FMNL1: variants seen among roughly 807,000 people sequenced by gnomAD.
The protein encoded by FMNL1 is formin like 1.
A neutral mutation model predicts 121.3 loss-of-function variants in FMNL1; 43 were observed. That is an observed-to-expected ratio of 0.35 (90% CI 0.28 to 0.46). The LOEUF (loss-of-function observed/expected upper bound fraction) is 0.46. FMNL1 is among the 20% of genes least tolerant of loss of function. FMNL1 has a pLI of 1.00. For synonymous variants in FMNL1, 613 were observed against 613.5 expected (o/e 1.00, Z 0.01); for missense variants, 1,191 against 1,482.4 (o/e 0.80, Z 3.23).
chr17:45,238,548 C>T lies in FMNL1; in HGVS notation c.895-16C>T. ...TGTGTCACTGGGCCTCAGTGAGAGC[C>T]ATTCCCCTTACCCAGGTGTGTGGGG... On this transcript the variant is annotated splice_polypyrimidine_tract_variant and intron_variant, in intron 9 of 26. Coordinates refer to ENST00000331495, the MANE Select transcript of FMNL1 (RefSeq NM_005892.4). 6.2e-7 allele frequency: 1 copy of T among 1,613,810 alleles called. No individual in the cohort carries two copies. The highest frequency in any genetic ancestry group is 8.5e-7 in the Non-Finnish European group (1 of 1,179,776).
chr17:45,244,758 T>C lies in FMNL1; in HGVS notation c.2518-61T>C, dbSNP rs956757424. On this transcript the variant is annotated intron_variant, in intron 19 of 26. Transcript: ENST00000331495. ...GCCACCTCTTCTCCTCCTTGTGCAATATGCTTAAGCGGTGTCCTCAGCTCT... is the reference window on the plus strand; with the variant it reads ...GCCACCTCTTCTCCTCCTTGTGCAACATGCTTAAGCGGTGTCCTCAGCTCT... 5.9e-6 allele frequency: 9 copies of C among 1,533,190 alleles called. No homozygotes were observed. In the African/African-American group the frequency reaches 1.1e-4, roughly 19 times the overall value. 95.0% of individuals were successfully genotyped at this position (1,533,190 alleles called of 1,614,324 possible). A position where few individuals can be genotyped will look rare whatever the true frequency, so the allele number is the denominator to read the frequency against.
intron 12 of FMNL1, chr17:45,240,832 A>C: frequency 1.3e-6 from 1 of 791,218 alleles, no homozygotes; most frequent in South Asian, 1.8e-5. Context: ...GAGCACCCTC[A>C]CTGACAGGCC....
Position 45,236,245 on chromosome 17 carries a change from G to T in FMNL1, c.723+1G>T. 1.9e-6 allele frequency: 3 copies of T among 1,613,386 alleles called. No homozygotes were observed. Among genetic ancestry groups the T allele is most frequent in the Non-Finnish European group, 2.5e-6 (3 of 1,179,650 alleles). On this transcript the variant is annotated splice_donor_variant, in intron 7 of 26. Transcript: ENST00000331495. LOFTEE classifies it high-confidence loss of function. ...CCTACGCGCCATCATGAACTACCAG[G>T]TCAGCCGAGGGGCATGGGACTGGCG...
chr17:45,222,081 A>G lies in FMNL1; in HGVS notation c.-44A>G. 2 of 1,135,818 alleles carry G rather than the reference A, an allele frequency of 1.8e-6. No individual in the cohort carries two copies. Among genetic ancestry groups the G allele is most frequent in the Non-Finnish European group, 1.1e-6 (1 of 927,120 alleles). 70.4% of individuals were successfully genotyped at this position (1,135,818 alleles called of 1,614,324 possible). ...TCGTCCCCGTCCCCCGGAAAGCTGG[A>G]TTTCCGAGGCTGGAGGCGCCTGGCC... On this transcript the variant is annotated 5_prime_UTR_variant, in exon 1 of 27. Coordinates refer to ENST00000331495, the MANE Select transcript of FMNL1 (RefSeq NM_005892.4).
chr17:45,237,118 G>GA lies in FMNL1; in HGVS notation c.724-153dup, dbSNP rs918751935. 1.9e-4 allele frequency among the ~76,000 whole-genome samples: 28 copies of GA among 147,376 alleles called. No individual in the cohort carries two copies. The South Asian group carries it at 4.0e-3, about 21-fold the overall frequency. ...GGGTGACAGAGGGAAACTCCATCTT[G>GA]AAAAAAAAAATAGAAACAAGGCCAG... On this transcript the variant is annotated intron_variant, in intron 7 of 26. Transcript: ENST00000331495. The surrounding 1 kb of genome is among the most constrained non-coding windows in gnomAD (Gnocchi z 4.4).
chr17:45,231,701 G>A lies in FMNL1; in HGVS notation c.214-666G>A, dbSNP rs112534160. Among the ~76,000 whole-genome samples, 1 of 152,092 alleles carries A rather than the reference G, an allele frequency of 6.6e-6. No individual in the cohort carries two copies. Among genetic ancestry groups the A allele is most frequent in the Admixed American group, 6.5e-5 (1 of 15,280 alleles). On this transcript the variant is annotated intron_variant, in intron 2 of 26. Coordinates refer to ENST00000331495, the MANE Select transcript of FMNL1 (RefSeq NM_005892.4). This position sits in a 1 kb window ranked among gnomAD's most constrained non-coding sequence, Gnocchi z 4.7. ...GCCTGCAGTGGGGTGGGGGGATTAG[G>A]AATTGCATCACTGAGCACAGGAGAG...
At chr17:45,227,051 A>C (rs1210815324) in intron 1 of FMNL1, among the ~76,000 whole-genome samples, 2 of 150,346 alleles carry the variant, frequency 1.3e-5, no homozygotes, top group Non-Finnish European at 3.0e-5. Flanking sequence ...AGAGGTGGGC[A>C]GGTGGCAGGG....
At chr17:45,227,157 T>A (rs1296590635) in intron 1 of FMNL1, among the ~76,000 whole-genome samples, 2 of 152,096 alleles carry the variant, frequency 1.3e-5, no homozygotes, top group South Asian at 2.1e-4. Flanking sequence ...CTGGGATTGA[T>A]GTCCAAGTTC....
chr17:45,239,283 A>T lies in FMNL1; in HGVS notation c.1080+218A>T, dbSNP rs980699468. On this transcript the variant is annotated intron_variant, in intron 11 of 26. Transcript: ENST00000331495. ...TCATAGAAGATAATCTTGACTCTAA[A>T]TGCATAGACCAGTGCCTGGCACATA... The T allele has an allele frequency of 2.1e-5, 12 of 562,760 alleles. No individual in the cohort carries two copies. The Admixed American group carries it at 2.7e-4, about 13-fold the overall frequency. The allele number at this position is 562,760 out of a possible 1,614,324, so 34.9% of individuals were successfully genotyped here.
At chr17:45,234,390 T>A in intron 6 of FMNL1, 190 bp downstream of exon 6, 1 of 943,590 alleles carries the variant, frequency 1.1e-6, no homozygotes, top group Non-Finnish European at 1.6e-6. Context: ...TGGGGCTGGG[T>A]GCTGTGGCTC....
rs1359872948 is a variant in FMNL1, at chr17:45,232,372, G to A, written c.219G>A (p.Arg73=). 2 of 1,613,800 alleles carry A rather than the reference G, an allele frequency of 1.2e-6. No individual in the cohort carries two copies. Among genetic ancestry groups the A allele is most frequent in the Non-Finnish European group, 1.7e-6 (2 of 1,179,902 alleles). The change falls in exon 3 of 27, where the codon CGG becomes CGA. Residue 73 remains arginine, a synonymous_variant. Coordinates refer to ENST00000331495, the MANE Select transcript of FMNL1 (RefSeq NM_005892.4). ...ACCCCATTCCATCTCCCCAGGAGCG[G>A]TTTCAAGTCAAGAATCCCCCCGCAG... ...KKWELICDQE[R]FQVKNPPAAY... is the part of the protein sequence containing the mutation.
Position 45,239,014 on chromosome 17 carries a change from T to A in FMNL1, c.1029T>A (p.Arg343=). 6.2e-7 allele frequency: 1 copy of A among 1,614,198 alleles called. No homozygotes were observed. The highest frequency in any genetic ancestry group is 8.5e-7 in the Non-Finnish European group (1 of 1,180,014). ...VVHSVENMNF[R]VFLQYEFTHL... is the part of the protein sequence containing the mutation. The stretch of plus-strand genomic sequence containing the variant: ...ATTCGGTGGAGAACATGAACTTCCG[T>A]GTCTTCCTGCAATATGAGTTCACCC... Residue 343 remains arginine (R), a synonymous_variant, in exon 11 of 27, where the codon CGT becomes CGA. Coordinates refer to ENST00000331495, the MANE Select transcript of FMNL1 (RefSeq NM_005892.4).
At chr17:45,223,823 C>A (rs887219054) in intron 1 of FMNL1, among the ~76,000 whole-genome samples, 9 of 152,158 alleles carry the variant, frequency 5.9e-5, no homozygotes, top group Non-Finnish European at 8.8e-5. Flanking sequence ...AGGTCCTGAC[C>A]CCAATCTTCT....
chr17:45,241,668 G>T lies in FMNL1; in HGVS notation c.1585+34G>T, dbSNP rs758700837. On this transcript the variant is annotated intron_variant, in intron 14 of 26. Transcript: ENST00000331495. The surrounding 1 kb of genome is among the most constrained non-coding windows in gnomAD (Gnocchi z 7.0). ...GAGCTTCAGGCTGGCGGGGATGCGG[G>T]GCAGGGTCTGGAGGGGAGCCCAGGG... is the stretch of plus-strand genomic sequence containing the variant. 6.8e-7 allele frequency: 1 copy of T among 1,470,160 alleles called. No homozygotes were observed. The highest frequency in any genetic ancestry group is 2.4e-5 in the East Asian group (1 of 41,498). 91.1% of individuals were successfully genotyped at this position (1,470,160 alleles called of 1,614,324 possible). A position where few individuals can be genotyped will look rare whatever the true frequency, so the allele number is the denominator to read the frequency against.
In FMNL1 at chr17:45,241,582, G is replaced by C. The variant is rs1204663571; in HGVS notation, c.1533G>C (p.Pro511=). 1 of 1,558,264 alleles carries C rather than the reference G, an allele frequency of 6.4e-7. No homozygotes were observed. Among genetic ancestry groups the C allele is most frequent in the African/African-American group, 1.4e-5 (1 of 73,888 alleles). The change falls in exon 14 of 27, where the codon CCG becomes CCC. Residue 511 remains proline (P), a synonymous_variant. Transcript: ENST00000331495. This position sits in a 1 kb window ranked among gnomAD's most constrained non-coding sequence, Gnocchi z 7.0. ...IEILPVAVAT[P]SGGDAPTPGV... Reference sequence around the variant, plus strand: ...TCCTCCCCGTCGCTGTGGCAACTCCGAGCGGCGGTGATGCTCCGACTCCGG... The same window carrying C: ...TCCTCCCCGTCGCTGTGGCAACTCCCAGCGGCGGTGATGCTCCGACTCCGG...
intron 19 of FMNL1, 95 bp from the exon 20 acceptor site, chr17:45,244,724 C>G: frequency 7.5e-7 from 1 of 1,329,454 alleles, no homozygotes; most frequent in Non-Finnish European, 1.0e-6. Flanking sequence ...TGTGTGGGGC[C>G]TGCTCCTTGC....
chr17:45,222,324 GT>G, intron 1 of FMNL1, 71 bp downstream of exon 1: 2 of 1,100,856 alleles, frequency 1.8e-6, no homozygotes, highest in Non-Finnish European at 2.2e-6. Flanking sequence ...CTGGGCGCGC[GT>G]CCCCGCCCCC....
Position 45,244,176 on chromosome 17 carries a change from CA to C in FMNL1, c.2451del (p.Gln817HisfsTer2). 6.2e-7 allele frequency: 1 copy of C among 1,613,098 alleles called. No homozygotes were observed. Among genetic ancestry groups the C allele is most frequent in the East Asian group, 2.2e-5 (1 of 44,856 alleles). ...CTTACCTCCCCCATCCCACCCCCAG[CA>C]ACTGAATGCCATCATTGCAGCCTCA... is the stretch of plus-strand genomic sequence containing the variant. Reference protein sequence around the residue: ...FPDTAQLLMPQLNAIIAASMS... With the variant: ...FPDTAQLLMPXLNAIIAASMS... On this transcript the variant is annotated frameshift_variant and splice_region_variant, in exon 19 of 27. Coordinates refer to ENST00000331495, the MANE Select transcript of FMNL1 (RefSeq NM_005892.4). LOFTEE classifies it high-confidence loss of function.
rs1389571571 is a variant in FMNL1, at chr17:45,243,342, T to G, written c.2213+22T>G. ...AGGCGTGAGTGTCCCTGTCCTGGGT[T>G]TGTGGGCAGTCCGGCCCCTTTGCTA... On this transcript the variant is annotated intron_variant, in intron 17 of 26. Coordinates refer to ENST00000331495, the MANE Select transcript of FMNL1 (RefSeq NM_005892.4). 5 of 1,611,400 alleles carry G rather than the reference T, an allele frequency of 3.1e-6. No homozygotes were observed. In the South Asian group the frequency reaches 5.5e-5, roughly 18 times the overall value.
Sources: gnomAD v4.1 joint callset for allele counts (sites outside exome capture counted in the v4.1 genomes callset) on GRCh38, gnomAD v4.1.1 for gene constraint, Gnocchi (gnomAD v3.1) non-coding constraint, MANE v1.5 for transcripts, NCBI Gene and HGNC (gene_info 2026-07-23, HGNC 2026-07-21) for gene names.